Variants in CCDC178 observed in about 807,000 individuals in gnomAD.
CCDC178 encodes the protein coiled-coil domain containing 178.
A neutral mutation model predicts 117.4 loss-of-function variants in CCDC178; 126 were observed. That is an observed-to-expected ratio of 1.07 (90% CI 0.93 to 1.24). CCDC178 has a LOEUF of 1.24. Among genes scored for constraint, CCDC178 ranks in the 50% most tolerant of loss-of-function variants. CCDC178 has a pLI of 0.00. For missense variants in CCDC178, 1,030 were observed against 986.9 expected, an observed-to-expected ratio of 1.04 and a Z score of -0.59; for synonymous variants, 283 against 313.4, an observed-to-expected ratio of 0.90 and a Z score of 1.02.
At chr18:33,193,850 T>A (rs535361625) in intron 20 of CCDC178, among the ~76,000 whole-genome samples, 2 of 152,302 alleles carry the variant, frequency 1.3e-5, no homozygotes, top group South Asian at 4.1e-4. Context: ...TAATATATAA[T>A]CAACAGAAAT....
intron 21 of CCDC178, among the ~76,000 whole-genome samples, chr18:33,026,196 G>T (rs2056225688): frequency 2.6e-5 from 4 of 152,054 alleles, no homozygotes; most frequent in Admixed American, 2.0e-4. Context: ...GTGGTTGCCA[G>T]GTAAAGAAAC....
intron 15 of CCDC178, among the ~76,000 whole-genome samples, chr18:33,239,604 A>C (rs1224662049): frequency 6.6e-6 from 1 of 151,976 alleles, no homozygotes; most frequent in Non-Finnish European, 1.5e-5. Context: ...AAACTGTAAA[A>C]AGAGACAAAG....
At chr18:33,165,796 G>A (rs2144400715) in intron 20 of CCDC178, among the ~76,000 whole-genome samples, 1 of 152,242 alleles carries the variant, frequency 6.6e-6, no homozygotes, top group East Asian at 1.9e-4. Context: ...ACTTTGATGT[G>A]CAGCAGAACT....
intron 21 of CCDC178, among the ~76,000 whole-genome samples, chr18:33,062,199 A>T (rs2144964996): frequency 6.6e-6 from 1 of 152,338 alleles, no homozygotes; most frequent in East Asian, 1.9e-4. Flanking sequence ...AGATGCTCTA[A>T]AATGAAGTAA....
At chr18:33,197,425 A>G (rs1254570150) in intron 20 of CCDC178, among the ~76,000 whole-genome samples, 3 of 151,936 alleles carry the variant, frequency 2.0e-5, no homozygotes, top group African/African-American at 7.3e-5. Flanking sequence ...TTGTTTACTG[A>G]GGGCTTTCAG....
At chr18:33,172,967 T>A (rs2058621380) in intron 20 of CCDC178, among the ~76,000 whole-genome samples, 2 of 152,332 alleles carry the variant, frequency 1.3e-5, no homozygotes, top group South Asian at 4.1e-4. Context: ...CAAATTGATC[T>A]TCTAATAATG....
At chr18:33,287,003 A>T (rs1276077612) in intron 12 of CCDC178, among the ~76,000 whole-genome samples, 4 of 152,196 alleles carry the variant, frequency 2.6e-5, no homozygotes, top group Non-Finnish European at 1.5e-5. Context: ...CATTACTTTA[A>T]TGCACTGAGC....
intron 12 of CCDC178, among the ~76,000 whole-genome samples, chr18:33,285,529 C>T (rs2060088195): frequency 6.6e-6 from 1 of 152,082 alleles, no homozygotes; most frequent in South Asian, 2.1e-4. Flanking sequence ...AAATTAAGAA[C>T]ACCGGAATAC....
At chr18:33,151,882 C>T (rs750595001) in intron 20 of CCDC178, among the ~76,000 whole-genome samples, 17 of 151,972 alleles carry the variant, frequency 1.1e-4, no homozygotes, top group Non-Finnish European at 2.2e-4. Flanking sequence ...TTGGTATCAA[C>T]AACAATATTA....
chr18:33,362,205 A>AGC (rs60388198), intron 6 of CCDC178, among the ~76,000 whole-genome samples: 6 of 150,392 alleles, frequency 4.0e-5, no homozygotes, highest in African/African-American at 9.7e-5. Flanking sequence ...ATATATATAT[A>AGC]GCTAATATTC....
At chr18:33,272,294 T>C (rs1460298313) in intron 12 of CCDC178, among the ~76,000 whole-genome samples, 1 of 151,380 alleles carries the variant, frequency 6.6e-6, no homozygotes, top group African/African-American at 2.4e-5. Context: ...ACAAATTAGA[T>C]AAACAACATG....
At chr18:33,428,730 C>CA (rs35234261) in intron 2 of CCDC178, among the ~76,000 whole-genome samples, 8,715 of 41,354 alleles carry the variant, frequency 0.21, 832 homozygotes, top group Non-Finnish European at 0.24. Flanking sequence ...GACTCTGTCT[C>CA]AAAAAAAAAA....
At chr18:33,360,385 G>A (rs2063109428) in intron 6 of CCDC178, among the ~76,000 whole-genome samples, 1 of 151,166 alleles carries the variant, frequency 6.6e-6, no homozygotes. Flanking sequence ...ACCAATCGTT[G>A]TATATATACA....
chr18:32,940,277 A>G (rs1001756984), intron 22 of CCDC178, among the ~76,000 whole-genome samples: 5 of 152,020 alleles, frequency 3.3e-5, no homozygotes, highest in African/African-American at 1.2e-4. Flanking sequence ...AATTCTGTGA[A>G]TGTTTGTATG....
intron 20 of CCDC178, among the ~76,000 whole-genome samples, chr18:33,156,157 T>C (rs1204939151): frequency 6.7e-6 from 1 of 148,348 alleles, no homozygotes; most frequent in Admixed American, 6.8e-5. Context: ...GGCGTGATCT[T>C]GGCTCACTGC....
At chr18:32,958,303 T>C (rs768584874) in intron 22 of CCDC178, 4 of 404,414 alleles carry the variant, frequency 9.9e-6, no homozygotes, top group African/African-American at 8.3e-5. Context: ...TTTTCATTTC[T>C]GTGAAGATAA....
intron 9 of CCDC178, among the ~76,000 whole-genome samples, chr18:33,344,818 C>G (rs1294429608): frequency 1.0e-4 from 15 of 146,510 alleles, no homozygotes; most frequent in African/African-American, 3.6e-4. Context: ...CACACACACA[C>G]ACACACACAC....
At chr18:32,959,758 A>G (rs1283468645) in intron 22 of CCDC178, among the ~76,000 whole-genome samples, 1 of 152,068 alleles carries the variant, frequency 6.6e-6, no homozygotes, top group Non-Finnish European at 1.5e-5. Flanking sequence ...GATATGCTCC[A>G]TTAGTCACTA....
chr18:33,175,857 C>T (rs529548499), intron 20 of CCDC178, among the ~76,000 whole-genome samples: 1 of 152,302 alleles, frequency 6.6e-6, no homozygotes, highest in East Asian at 1.9e-4. Context: ...ACACACTTTG[C>T]TTCTACAACT....
Sources: gnomAD v4.1 joint callset for allele counts (sites outside exome capture counted in the v4.1 genomes callset) on GRCh38, gnomAD v4.1.1 for gene constraint, MANE v1.5 for transcripts, NCBI Gene and HGNC (gene_info 2026-07-23, HGNC 2026-07-21) for gene names.